Variants in DNAJC1 observed in about 807,000 individuals in gnomAD.
The protein encoded by DNAJC1 is dnaJ homolog subfamily C member 1.
A neutral mutation model predicts 76.6 loss-of-function variants in DNAJC1; 58 were observed. That is an observed-to-expected ratio of 0.76 (90% CI 0.61 to 0.94). The LOEUF is 0.94. DNAJC1 is among the 40% of genes least tolerant of loss of function. DNAJC1 has a pLI of 0.00. For synonymous variants in DNAJC1, 258 were observed against 267.9 expected, an observed-to-expected ratio of 0.96 and a Z score of 0.36; for missense variants, 689 against 677.3, an observed-to-expected ratio of 1.02 and a Z score of -0.19.
At chr10:21,868,352 A>T (rs931121375) in intron 8 of DNAJC1, among the ~76,000 whole-genome samples, 1 of 151,646 alleles carries the variant, frequency 6.6e-6, no homozygotes, top group African/African-American at 2.4e-5. Context: ...CAAACTCTGG[A>T]CCTCAGGTGA....
chr10:22,002,460 T>A (rs1470097475), intron 1 of DNAJC1, among the ~76,000 whole-genome samples: 1 of 151,752 alleles, frequency 6.6e-6, no homozygotes, highest in African/African-American at 2.4e-5. Flanking sequence ...GAAAACGAAA[T>A]GAAACAAAAG....
chr10:21,784,700 C>T (rs919619089), intron 9 of DNAJC1, among the ~76,000 whole-genome samples: 4 of 152,172 alleles, frequency 2.6e-5, no homozygotes, highest in African/African-American at 9.7e-5. Context: ...CACATATACA[C>T]AATGGAATAC....
At chr10:21,964,555 G>A (rs1281780124) in intron 1 of DNAJC1, among the ~76,000 whole-genome samples, 1 of 152,056 alleles carries the variant, frequency 6.6e-6, no homozygotes, top group Non-Finnish European at 1.5e-5. Context: ...TACAAATTAA[G>A]TATTTCTCTC....
chr10:21,794,233 G>A (rs2131635901), intron 9 of DNAJC1, among the ~76,000 whole-genome samples: 1 of 138,322 alleles, frequency 7.2e-6, no homozygotes, highest in South Asian at 2.2e-4. Flanking sequence ...TCATGCCATT[G>A]CACTCCTGGG....
At chr10:21,926,931 T>A (rs2807982) in intron 3 of DNAJC1, among the ~76,000 whole-genome samples, 97,116 of 152,014 alleles carry the variant, frequency 0.64, 31,595 homozygotes, top group East Asian at 0.95. Flanking sequence ...GAAATAATTT[T>A]GGTAACTGAA....
At chr10:21,840,210 C>T (rs1395331202) in intron 8 of DNAJC1, among the ~76,000 whole-genome samples, 2 of 152,214 alleles carry the variant, frequency 1.3e-5, no homozygotes, top group East Asian at 1.9e-4. Context: ...GATGCCCTCT[C>T]TCACCACTCC....
intron 8 of DNAJC1, among the ~76,000 whole-genome samples, chr10:21,845,338 A>G (rs868388278): frequency 2.7e-5 from 4 of 149,138 alleles, no homozygotes; most frequent in African/African-American, 9.7e-5. Context: ...GTCTGCATAA[A>G]CTACATAAAA....
In DNAJC1 at chr10:21,759,448, C is replaced by A. The variant is rs749320709; in HGVS notation, c.1318G>T (p.Ala440Ser). 3 of 1,614,156 alleles carry A rather than the reference C, an allele frequency of 1.9e-6. No homozygotes were observed. Among genetic ancestry groups the A allele is most frequent in the Admixed American group, 3.3e-5 (2 of 60,032 alleles). The change falls in exon 11 of 12, where the codon GCC becomes TCC. Residue 440 changes from alanine (A) to serine (S), a missense_variant. Transcript: ENST00000376980. The part of the protein sequence containing the change: ...SGEQETGATD[A>S]RPRRRKPARL... ...GCTGGCTTCCGCCTCCGAGGCCGGGCATCAGTGGCCCCGGTCTCCTGCTCA... is the reference window on the plus strand; with the variant it reads ...GCTGGCTTCCGCCTCCGAGGCCGGGAATCAGTGGCCCCGGTCTCCTGCTCA...
intron 7 of DNAJC1, among the ~76,000 whole-genome samples, chr10:21,898,085 A>T (rs1836573907): frequency 6.6e-6 from 1 of 152,236 alleles, no homozygotes; most frequent in South Asian, 2.1e-4. Context: ...GAACATGCGG[A>T]AACTGAAATT....
At chr10:21,832,323 C>A (rs1483417338) in intron 8 of DNAJC1, among the ~76,000 whole-genome samples, 1 of 152,050 alleles carries the variant, frequency 6.6e-6, no homozygotes, top group Non-Finnish European at 1.5e-5. Flanking sequence ...ATGTGCTTCC[C>A]TGGTTTTAGC....
intron 8 of DNAJC1, among the ~76,000 whole-genome samples, chr10:21,861,698 C>T (rs1210094079): frequency 6.6e-6 from 1 of 152,054 alleles, no homozygotes; most frequent in Admixed American, 6.6e-5. Context: ...TCTGGTGGTC[C>T]TCACTGCTAC....
At chr10:21,973,535 T>C (rs1316311146) in intron 1 of DNAJC1, among the ~76,000 whole-genome samples, 1 of 152,216 alleles carries the variant, frequency 6.6e-6, no homozygotes, top group Admixed American at 6.5e-5. Context: ...ATGAAAATGA[T>C]AACTTTTTGC....
intron 9 of DNAJC1, among the ~76,000 whole-genome samples, chr10:21,797,164 T>C (rs975246859): frequency 2.0e-5 from 3 of 152,132 alleles, no homozygotes; most frequent in African/African-American, 7.2e-5. Context: ...CTTTTGCATG[T>C]GGACATTAAG....
chr10:21,778,382 G>C (rs1374656690), intron 9 of DNAJC1, among the ~76,000 whole-genome samples: 1 of 152,146 alleles, frequency 6.6e-6, no homozygotes, highest in African/African-American at 2.4e-5. Flanking sequence ...TTTCCTTTTA[G>C]TTCAAATATC....
At chr10:21,820,170 T>G (rs773210931) in intron 8 of DNAJC1, among the ~76,000 whole-genome samples, 3 of 152,238 alleles carry the variant, frequency 2.0e-5, no homozygotes, top group Non-Finnish European at 4.4e-5. Context: ...TCTGGGCATT[T>G]CATAAAAATG....
intron 1 of DNAJC1, among the ~76,000 whole-genome samples, chr10:21,945,513 G>T (rs1837490257): frequency 6.6e-6 from 1 of 152,142 alleles, no homozygotes; most frequent in Admixed American, 6.6e-5. Context: ...GTAGAGTAAG[G>T]GACAGAATCC....
At chr10:21,866,853 T>C (rs1377732472) in intron 8 of DNAJC1, among the ~76,000 whole-genome samples, 2 of 152,166 alleles carry the variant, frequency 1.3e-5, no homozygotes, top group South Asian at 2.1e-4. Flanking sequence ...TGGAAATTAA[T>C]AACAAAAAGA....
At chr10:21,941,268 C>CAAAAAAAAA (rs11435502) in intron 1 of DNAJC1, among the ~76,000 whole-genome samples, 2 of 43,656 alleles carry the variant, frequency 4.6e-5, no homozygotes, top group African/African-American at 1.1e-4. Flanking sequence ...GACACTGTCT[C>CAAAAAAAAA]AAAAAAAAAA....
At chr10:21,993,904 C>A (rs527757319) in intron 1 of DNAJC1, among the ~76,000 whole-genome samples, 1 of 152,090 alleles carries the variant, frequency 6.6e-6, no homozygotes, top group South Asian at 2.1e-4. Flanking sequence ...ATCCTGCGGG[C>A]AAACTTTTTT....
Sources: gnomAD v4.1 joint callset for allele counts (sites outside exome capture counted in the v4.1 genomes callset) on GRCh38, gnomAD v4.1.1 for gene constraint, MANE v1.5 for transcripts, NCBI Gene and HGNC (gene_info 2026-07-23, HGNC 2026-07-21) for gene names.